The following CREBZF variants were observed in gnomAD, a reference collection of about 807,000 sequenced individuals.
The protein encoded by CREBZF is CREB/ATF bZIP transcription factor.
Under a neutral mutation model 21.1 loss-of-function variants are expected in CREBZF, and 8 were observed. The ratio of observed to expected loss-of-function variants is 0.38; its 90% CI spans 0.22 to 0.68. The LOEUF is 0.68. Among genes scored for constraint, CREBZF ranks in the 30% least tolerant of loss-of-function variants. The pLI is 0.51. For missense variants in CREBZF, 518 were observed against 484.3 expected (o/e 1.07, Z -0.65); for synonymous variants, 270 against 223.3 (o/e 1.21, Z -1.86).
upstream of CREBZF, among the ~76,000 whole-genome samples, chr11:85,668,790 C>T (rs2082889306): frequency 1.3e-5 from 2 of 151,280 alleles, no homozygotes; most frequent in African/African-American, 2.4e-5. Flanking sequence ...ATCACGAGGT[C>T]AGGAGATCGA....
rs2082699884 is a variant in CREBZF, at chr11:85,662,035, G to T, written c.*1776C>A. 1 of 167,326 alleles carries T rather than the reference G, an allele frequency of 6.0e-6. No homozygotes were observed. The highest frequency in any genetic ancestry group is 5.9e-5 in the Admixed American group (1 of 16,942). The allele number at this position is 167,326 out of a possible 1,614,324, so 10.4% of individuals were successfully genotyped here. A position where few individuals can be genotyped will look rare whatever the true frequency, so the allele number is the denominator to read the frequency against. On this transcript the variant is annotated 3_prime_UTR_variant, in exon 1 of 1. Transcript: ENST00000527447. ...AAAACCCATGCAGCTGCATTGTGAGGGGCTTGCTCCTGCCCTTAGGTATAA... is the reference window on the plus strand; with the variant it reads ...AAAACCCATGCAGCTGCATTGTGAGTGGCTTGCTCCTGCCCTTAGGTATAA...
Position 85,664,596 on chromosome 11 carries a change from C to T in CREBZF, c.280G>A (p.Glu94Lys). The change falls in exon 1 of 1, where the codon GAA (glutamate) becomes AAA (lysine). Residue 94 changes from glutamate to lysine, a missense_variant. By Grantham distance (56) the Glu-to-Lys change is moderately conservative. This residue lies in a region of CREBZF where 396 missense variants were observed against 324.4 expected (regional missense o/e 1.22). Coordinates refer to ENST00000527447, the MANE Select transcript of CREBZF (RefSeq NM_001039618.4). This position sits in a 1 kb window ranked among gnomAD's most constrained non-coding sequence, Gnocchi z 5.5. ...AGAAAGTCCATATCCTCCGTCTCTT[C>T]CCCCGGGAGGCTGGCGATCGCCTCC... ...EEEAIASLPG[E>K]ETEDMDFLSG... 1 of 1,613,772 alleles carries T rather than the reference C, an allele frequency of 6.2e-7. No homozygotes were observed. The highest frequency in any genetic ancestry group is 1.1e-5 in the South Asian group (1 of 91,072).
Position 85,659,016 on chromosome 11 carries a change from T to C in CREBZF, c.*4795A>G, listed in dbSNP as rs903952987. 2.0e-5 allele frequency among the ~76,000 whole-genome samples: 3 copies of C among 152,020 alleles called. No homozygotes were observed. Among genetic ancestry groups the C allele is most frequent in the Admixed American group, 6.6e-5 (1 of 15,248 alleles). On this transcript the variant is annotated 3_prime_UTR_variant, in exon 1 of 1. Coordinates refer to ENST00000527447, the MANE Select transcript of CREBZF (RefSeq NM_001039618.4). ...ACACAGAGGTACTGAAATTCAAATC[T>C]GAAAAATACTGTGCTGGCCACACAA...
chr11:85,678,993 T>C (rs976655855), intron 1 of CREBZF, among the ~76,000 whole-genome samples: 1 of 152,218 alleles, frequency 6.6e-6, no homozygotes, highest in Non-Finnish European at 1.5e-5. Context: ...CTCAGACTTC[T>C]GGAAAGGACT....
At chr11:85,671,589 C>T (rs1233509884) in intron 1 of CREBZF, among the ~76,000 whole-genome samples, 1 of 152,240 alleles carries the variant, frequency 6.6e-6, no homozygotes, top group Non-Finnish European at 1.5e-5. Flanking sequence ...GGTAAATACA[C>T]CTATTCCAAA....
At chr11:85,670,538 G>T (rs1281109643) in intron 1 of CREBZF, among the ~76,000 whole-genome samples, 1 of 151,936 alleles carries the variant, frequency 6.6e-6, no homozygotes, top group African/African-American at 2.4e-5. Context: ...TCCTGACCTC[G>T]TGATCCACCC....
upstream of CREBZF, among the ~76,000 whole-genome samples, chr11:85,666,813 G>A (rs2082870889): frequency 6.6e-6 from 1 of 152,194 alleles, no homozygotes; most frequent in South Asian, 2.1e-4. Flanking sequence ...ATTTCAAGGT[G>A]TGAAAAAAGT....
chr11:85,665,805 A>G (rs2153327196), upstream of CREBZF, among the ~76,000 whole-genome samples: 1 of 152,260 alleles, frequency 6.6e-6, no homozygotes, highest in South Asian at 2.1e-4. Flanking sequence ...CATTTGGGTA[A>G]CAAACAAACA....
rs2082574064 is a variant in CREBZF, at chr11:85,658,278, T to G, written c.*5533A>C. The stretch of plus-strand genomic sequence containing the variant: ...ATTGAGCACACATTGTTTCCTTACT[T>G]ATCTTTAAACATTCCTAGTCCAATT... On this transcript the variant is annotated 3_prime_UTR_variant, in exon 1 of 1. Coordinates refer to ENST00000527447, the MANE Select transcript of CREBZF (RefSeq NM_001039618.4). 6.6e-6 allele frequency among the ~76,000 whole-genome samples: 1 copy of G among 152,084 alleles called. No homozygotes were observed.
intron 1 of CREBZF, among the ~76,000 whole-genome samples, chr11:85,676,981 T>TTTTTTTTTTTTTTTTTG (rs1168587081): frequency 1.4e-5 from 2 of 147,548 alleles, no homozygotes; most frequent in South Asian, 2.2e-4. Context: ...TTTTTTTTTT[T>TTTTTTTTTTTTTTTTTG]GAGACAGAAT....
chr11:85,666,815 GAA>G (rs917945183), upstream of CREBZF, among the ~76,000 whole-genome samples: 1 of 152,172 alleles, frequency 6.6e-6, no homozygotes, highest in Non-Finnish European at 1.5e-5. Flanking sequence ...TTCAAGGTGT[GAA>G]AAAAGTATGA....
At chr11:85,666,671 T>G (rs1445054608), upstream of CREBZF, among the ~76,000 whole-genome samples, 1 of 152,216 alleles carries the variant, frequency 6.6e-6, no homozygotes, top group Non-Finnish European at 1.5e-5. Flanking sequence ...AGTTGAACAC[T>G]GACAGGTCCC....
At position 85,662,464 on chromosome 11, in the gene CREBZF, C is replaced by T. The variant is rs1385888749; in HGVS notation, c.*1347G>A. On this transcript the variant is annotated 3_prime_UTR_variant, in exon 1 of 1. Coordinates refer to ENST00000527447, the MANE Select transcript of CREBZF (RefSeq NM_001039618.4). ...GCCCCAACAGCTGTATCCACTTTAG[C>T]ACAAAGAAAAACAAGGATGCTAAAT... The T allele has an allele frequency of 2.8e-6, 2 of 715,594 alleles. No individual in the cohort carries two copies. Among genetic ancestry groups the T allele is most frequent in the Non-Finnish European group, 5.2e-6 (2 of 384,276 alleles). The allele number at this position is 715,594 out of a possible 1,614,324, so 44.3% of individuals were successfully genotyped here. A position where few individuals can be genotyped will look rare whatever the true frequency, so the allele number is the denominator to read the frequency against.
At chr11:85,668,499 A>G (rs28548953), upstream of CREBZF, among the ~76,000 whole-genome samples, 2,566 of 152,208 alleles carry the variant, frequency 0.017, 58 homozygotes, top group African/African-American at 0.052. Context: ...TTATTTATCA[A>G]TTTTTAATAA....
At position 85,660,105 on chromosome 11, in the gene CREBZF, G is replaced by C. The variant is rs148456519; in HGVS notation, c.*3706C>G. 2 of 153,662 alleles carry C rather than the reference G, an allele frequency of 1.3e-5. 1 individual carries two copies. Among genetic ancestry groups the C allele is most frequent in the East Asian group, 3.8e-4 (2 of 5,210 alleles). 9.5% of individuals were successfully genotyped at this position (153,662 alleles called of 1,614,324 possible). A position where few individuals can be genotyped will look rare whatever the true frequency, so the allele number is the denominator to read the frequency against. ...TTATATTCTACTCAGCAGGGTGTCT[G>C]TCTGTACTCCAAATTAGCTCTCATG... On this transcript the variant is annotated 3_prime_UTR_variant, in exon 1 of 1. Transcript: ENST00000527447.
chr11:85,662,177 T>C lies in CREBZF; in HGVS notation c.*1634A>G. On this transcript the variant is annotated 3_prime_UTR_variant, in exon 1 of 1. Transcript: ENST00000527447. ...ACTGGAAACCAAAGACCAATTCAGG[T>C]CTCAAATCGTATTATCTAGCAACAA... is the stretch of plus-strand genomic sequence containing the variant. 1 of 522,442 alleles carries C rather than the reference T, an allele frequency of 1.9e-6. No homozygotes were observed. Among genetic ancestry groups the C allele is most frequent in the Non-Finnish European group, 3.6e-6 (1 of 280,082 alleles). 32.4% of individuals were successfully genotyped at this position (522,442 alleles called of 1,614,324 possible).
chr11:85,666,835 T>G (rs978603829), upstream of CREBZF, among the ~76,000 whole-genome samples: 1 of 152,238 alleles, frequency 6.6e-6, no homozygotes, highest in Non-Finnish European at 1.5e-5. Flanking sequence ...TGACCTGTGG[T>G]ATCTAGAAGA....
intron 1 of CREBZF, among the ~76,000 whole-genome samples, chr11:85,673,931 C>T (rs2082928083): frequency 6.6e-6 from 1 of 152,228 alleles, no homozygotes; most frequent in Non-Finnish European, 1.5e-5. Context: ...CTCATCCATT[C>T]AAGTGATATC....
chr11:85,682,760 C>T (rs1037536269), exon 1 of CREBZF: 36 of 700,426 alleles, frequency 5.1e-5, no homozygotes, highest in Non-Finnish European at 6.5e-5. Flanking sequence ...CGGCCTCTGC[C>T]CATGGGACTT....
Sources: gnomAD v4.1 joint callset for allele counts (sites outside exome capture counted in the v4.1 genomes callset) on GRCh38, gnomAD v4.1.1 for gene constraint, gnomAD v4.1.1 regional missense constraint, Gnocchi (gnomAD v3.1) non-coding constraint, MANE v1.5 for transcripts, NCBI Gene and HGNC (gene_info 2026-07-23, HGNC 2026-07-21) for gene names.